STXBP4: variants seen among roughly 807,000 people sequenced by gnomAD.
STXBP4 encodes the protein syntaxin-binding protein 4.
Under a neutral mutation model 76.1 loss-of-function variants are expected in STXBP4, and 55 were observed. The ratio of observed to expected loss-of-function variants is 0.72; its 90% CI spans 0.58 to 0.91. The LOEUF is 0.91. STXBP4 is among the 40% of genes least tolerant of loss of function. The probability of loss-of-function intolerance (pLI) is 0.00; values close to 1 mark genes in which losing one functional copy is unlikely to be tolerated. For synonymous variants in STXBP4, 201 were observed against 220.2 expected (o/e 0.91, Z 0.77); for missense variants, 618 against 636.9 (o/e 0.97, Z 0.32).
At chr17:55,022,565 A>C (rs896027055) in intron 8 of STXBP4, among the ~76,000 whole-genome samples, 1 of 152,202 alleles carries the variant, frequency 6.6e-6, no homozygotes, top group African/African-American at 2.4e-5. Context: ...GGAAGTAGAA[A>C]ATTCAAAAAA....
chr17:55,007,053 A>T (rs1292109497), intron 7 of STXBP4, among the ~76,000 whole-genome samples: 1 of 152,078 alleles, frequency 6.6e-6, no homozygotes. Context: ...AATTATGAAA[A>T]CTTGCCGGGT....
At chr17:55,012,538 G>A (rs374213620) in intron 8 of STXBP4, among the ~76,000 whole-genome samples, 3 of 152,102 alleles carry the variant, frequency 2.0e-5, no homozygotes, top group African/African-American at 7.2e-5. Context: ...GCTTCCTGAT[G>A]TGTGATAGGT....
chr17:55,099,177 C>T (rs375219963), intron 16 of STXBP4, among the ~76,000 whole-genome samples: 1 of 152,132 alleles, frequency 6.6e-6, no homozygotes, highest in South Asian at 2.1e-4. Flanking sequence ...GTTGTTTACT[C>T]GATTCAGCTT....
chr17:55,072,851 A>T, intron 12 of STXBP4, 49 bp from the exon 13 acceptor site: 2 of 1,508,182 alleles, frequency 1.3e-6, no homozygotes, highest in Non-Finnish European at 1.8e-6. Flanking sequence ...TAAACCTCGG[A>T]ACTATTTCTT....
chr17:55,034,423 C>G (rs2078563566), intron 10 of STXBP4, among the ~76,000 whole-genome samples, 164 bp downstream of exon 10: 1 of 152,036 alleles, frequency 6.6e-6, no homozygotes, highest in Non-Finnish European at 1.5e-5. Flanking sequence ...AAAAGTTCAT[C>G]CTGATATTCA....
At chr17:55,086,863 C>T (rs141780257) in intron 16 of STXBP4, among the ~76,000 whole-genome samples, 46 of 152,242 alleles carry the variant, frequency 3.0e-4, no homozygotes, top group African/African-American at 1.0e-3. Flanking sequence ...AGTGGCTTTA[C>T]TAGTTTACAT....
intron 3 of STXBP4, among the ~76,000 whole-genome samples, chr17:54,990,140 G>A (rs1243702236): frequency 6.6e-6 from 1 of 152,136 alleles, no homozygotes; most frequent in East Asian, 1.9e-4. Flanking sequence ...AAAAGTATAT[G>A]CAAGCAAACT....
chr17:54,968,780 C>T lies in STXBP4; in HGVS notation c.-192C>T. 2.8e-6 allele frequency: 3 copies of T among 1,060,804 alleles called. No homozygotes were observed. The highest frequency in any genetic ancestry group is 3.2e-5 in the South Asian group (2 of 63,314). 65.7% of individuals were successfully genotyped at this position (1,060,804 alleles called of 1,614,324 possible). On this transcript the variant is annotated 5_prime_UTR_variant, in exon 1 of 18. Coordinates refer to ENST00000376352, the MANE Select transcript of STXBP4 (RefSeq NM_178509.6). ...CAGGCTCCTCAGGTGGCAGCGCTTGCAGTCGGGCTACGGAGGCCGGGTTGC... is the reference window on the plus strand; with the variant it reads ...CAGGCTCCTCAGGTGGCAGCGCTTGTAGTCGGGCTACGGAGGCCGGGTTGC...
At chr17:55,074,548 C>G (rs1288854702) in intron 13 of STXBP4, among the ~76,000 whole-genome samples, 2 of 152,054 alleles carry the variant, frequency 1.3e-5, no homozygotes, top group Non-Finnish European at 2.9e-5. Context: ...AGTGAAAAAT[C>G]AAGAGTGTTT....
chr17:55,113,263 G>A lies in STXBP4; in HGVS notation c.1490-28047G>A, dbSNP rs73992616. On this transcript the variant is annotated intron_variant, in intron 16 of 17. Transcript: ENST00000376352. ...CACACACACACACACACACACACAC[G>A]AGGTAGCTATAGAAGGTGATGGCTA... Among the ~76,000 whole-genome samples, 1,217 of 141,976 alleles carry A rather than the reference G, an allele frequency of 8.6e-3. 17 individuals are homozygous for A. The highest frequency in any genetic ancestry group is 0.031 in the African/African-American group (1,141 of 37,282). The allele number at this position is 141,976 out of a possible 152,430, so 93.1% of individuals were successfully genotyped here.
At chr17:55,198,067 G>A in the STXBP4 span, among the ~76,000 whole-genome samples, 1 of 152,222 alleles carries the variant, frequency 6.6e-6, no homozygotes, top group African/African-American at 2.4e-5. Context: ...ATCTTCTGGG[G>A]TCCAAATACC....
At chr17:55,178,467 C>T (rs549718356), downstream of STXBP4, among the ~76,000 whole-genome samples, 3 of 152,224 alleles carry the variant, frequency 2.0e-5, no homozygotes, top group Non-Finnish European at 4.4e-5. Context: ...ACCTCTCACT[C>T]ATAAGATTGT....
At chr17:55,106,859 C>A (rs2079641360) in intron 16 of STXBP4, among the ~76,000 whole-genome samples, 1 of 152,180 alleles carries the variant, frequency 6.6e-6, no homozygotes, top group Non-Finnish European at 1.5e-5. Flanking sequence ...TCTCTGGCTG[C>A]CCTTAACATT....
At chr17:55,199,113 A>G in the STXBP4 span, among the ~76,000 whole-genome samples, 2 of 152,256 alleles carry the variant, frequency 1.3e-5, no homozygotes, top group African/African-American at 4.8e-5. Context: ...CATCACATCC[A>G]TGCCAATGGC....
intron 15 of STXBP4, among the ~76,000 whole-genome samples, chr17:55,080,773 C>G (rs534438393): frequency 6.6e-5 from 10 of 151,614 alleles, no homozygotes; most frequent in Non-Finnish European, 1.2e-4. Flanking sequence ...CAAAATAAGC[C>G]CAACAAATGA....
intron 10 of STXBP4, among the ~76,000 whole-genome samples, chr17:55,040,630 C>T (rs552931013): frequency 6.6e-6 from 1 of 152,140 alleles, no homozygotes; most frequent in African/African-American, 2.4e-5. Context: ...CAGACCTAAT[C>T]AGCACAGTCC....
the STXBP4 span, among the ~76,000 whole-genome samples, chr17:55,189,348 CA>C: frequency 6.6e-6 from 1 of 152,152 alleles, no homozygotes; most frequent in African/African-American, 2.4e-5. Flanking sequence ...GTGACTTGAA[CA>C]AGCCCTGTGT....
At chr17:55,134,732 C>A (rs244309) in intron 16 of STXBP4, among the ~76,000 whole-genome samples, 1 of 151,966 alleles carries the variant, frequency 6.6e-6, no homozygotes, top group Non-Finnish European at 1.5e-5. Context: ...ATCTCACACT[C>A]TCCTGAGGAA....
At chr17:55,037,822 C>T (rs547481541) in intron 10 of STXBP4, among the ~76,000 whole-genome samples, 3 of 152,204 alleles carry the variant, frequency 2.0e-5, no homozygotes, top group Non-Finnish European at 2.9e-5. Context: ...TTTGGTTTCA[C>T]GATTCGCTAA....
Sources: allele counts gnomAD v4.1 joint callset (sites outside exome capture counted in the v4.1 genomes callset), GRCh38; gene constraint gnomAD v4.1.1; transcripts MANE v1.5; gene names NCBI Gene and HGNC (gene_info 2026-07-23, HGNC 2026-07-21).